Variants in SCN7A observed in about 807,000 individuals in gnomAD.
The protein encoded by SCN7A is sodium channel protein type 7 subunit alpha.
Under a neutral mutation model 155.2 loss-of-function variants are expected in SCN7A, and 138 were observed. The ratio of observed to expected loss-of-function variants is 0.89; its 90% CI spans 0.77 to 1.02. The LOEUF (loss-of-function observed/expected upper bound fraction) is 1.02, where lower values mean the gene tolerates loss of function less well. Among genes scored for constraint, SCN7A ranks in the 50% least tolerant of loss-of-function variants. SCN7A has a pLI of 0.00. For synonymous variants in SCN7A, 693 were observed against 649.0 expected (o/e 1.07, Z -1.03); for missense variants, 2,058 against 1,986.6 (o/e 1.04, Z -0.68).
intron 12 of SCN7A, among the ~76,000 whole-genome samples, chr2:166,445,363 A>G (rs1702041043): frequency 7.0e-6 from 1 of 141,926 alleles, no homozygotes. Context: ...AGAAGGAAGG[A>G]AGGAAGGAAG....
chr2:166,441,265 A>G (rs1213960313), intron 15 of SCN7A, 131 bp downstream of exon 15: 2 of 598,344 alleles, frequency 3.3e-6, no homozygotes, highest in Non-Finnish European at 5.7e-6. Context: ...TAATGGCCAC[A>G]TCTGGCTAGT....
In SCN7A at chr2:166,406,677, C is replaced by T. The variant is rs755098578; in HGVS notation, c.3983-31G>A. On this transcript the variant is annotated intron_variant, in intron 25 of 25. Coordinates refer to ENST00000643258, the MANE Select transcript of SCN7A (RefSeq NM_002976.4). ...GGTGGGAAAGATAAAGCAGGCTATA[C>T]ATTATTCAAACACAATAGTATTTTG... 2.9e-6 allele frequency: 4 copies of T among 1,402,580 alleles called. No individual in the cohort carries two copies. The African/African-American group carries it at 5.8e-5, about 20-fold the overall frequency. The allele number at this position is 1,402,580 out of a possible 1,614,324, so 86.9% of individuals were successfully genotyped here.
At chr2:166,431,887 A>G (rs896746530) in intron 16 of SCN7A, among the ~76,000 whole-genome samples, 11 of 152,076 alleles carry the variant, frequency 7.2e-5, no homozygotes, top group African/African-American at 2.7e-4. Flanking sequence ...CCATTTTAAG[A>G]TTATAAAGCC....
Position 166,441,444 on chromosome 2 carries a change from G to T in SCN7A, c.2109C>A (p.Ser703=). The T allele has an allele frequency of 6.2e-7, 1 of 1,612,754 alleles. No individual in the cohort carries two copies. The highest frequency in any genetic ancestry group is 8.5e-7 in the Non-Finnish European group (1 of 1,179,398). ...LWDCMEVAGQ[S]WCIPFYLMVI... ...CCATCAGGTAAAAAGGAATACACCAGGATTGGCCTGCAACCTCCATACAGT... is the reference window on the plus strand; with the variant it reads ...CCATCAGGTAAAAAGGAATACACCATGATTGGCCTGCAACCTCCATACAGT... Residue 703 remains serine, a synonymous_variant, in exon 15 of 26, where the codon TCC becomes TCA. Transcript: ENST00000643258.
intron 5 of SCN7A, 69 bp downstream of exon 5, chr2:166,473,725 TTAAAA>T (rs1169113321): frequency 8.5e-6 from 3 of 354,946 alleles, no homozygotes; most frequent in African/African-American, 6.6e-5. Context: ...TTCAATGTTA[TTAAAA>T]TAAAATGTAA....
chr2:166,477,804 G>T, intron 2 of SCN7A, 94 bp from the exon 3 acceptor site: 1 of 676,306 alleles, frequency 1.5e-6, no homozygotes, highest in Non-Finnish European at 2.3e-6. Context: ...TAAACTGAAT[G>T]TATGCATTTA....
At chr2:166,430,052 A>AGGTT (rs1453588286) in intron 16 of SCN7A, among the ~76,000 whole-genome samples, 1 of 152,078 alleles carries the variant, frequency 6.6e-6, no homozygotes, top group Non-Finnish European at 1.5e-5. Flanking sequence ...CCAAGATCTA[A>AGGTT]GGTTAATAGC....
chr2:166,492,216 C>T (rs974942006), intron 1 of SCN7A, among the ~76,000 whole-genome samples: 1 of 152,050 alleles, frequency 6.6e-6, no homozygotes, highest in African/African-American at 2.4e-5. Context: ...CGGTCGTGTG[C>T]CATCTGGGAT....
At chr2:166,478,958 A>C (rs2105517306) in intron 2 of SCN7A, among the ~76,000 whole-genome samples, 1 of 152,192 alleles carries the variant, frequency 6.6e-6, no homozygotes, top group Middle Eastern at 3.4e-3. Flanking sequence ...ATTCCTGTCA[A>C]AATTTACTCT....
Position 166,421,258 on chromosome 2 carries a change from G to T in SCN7A, c.3067C>A (p.Leu1023Ile). ...AATTTCATGGAAATAAGAGGTTTTA[G>T]TTCTTCCCGAGTTTTGCCTATTAAG... is the stretch of plus-strand genomic sequence containing the variant. ...LSLIGKTREE[L>I]KPLISMKFLR... Residue 1023 changes from leucine (L) to isoleucine (I), a missense_variant, in exon 20 of 26, where the codon CTA becomes ATA. Physicochemically the swap from Leu to Ile is conservative, Grantham distance 5. Transcript: ENST00000643258. 6.5e-7 allele frequency: 1 copy of T among 1,534,048 alleles called. No individual in the cohort carries two copies. Among genetic ancestry groups the T allele is most frequent in the South Asian group, 1.3e-5 (1 of 79,446 alleles).
At chr2:166,475,025 T>C (rs1702749600) in intron 3 of SCN7A, among the ~76,000 whole-genome samples, 1 of 143,496 alleles carries the variant, frequency 7.0e-6, no homozygotes, top group South Asian at 2.2e-4. Context: ...AATGTGTGTG[T>C]GTGTATATAT....
intron 11 of SCN7A, among the ~76,000 whole-genome samples, chr2:166,456,625 T>C (rs1456304969): frequency 6.6e-6 from 1 of 152,064 alleles, no homozygotes; most frequent in Non-Finnish European, 1.5e-5. Context: ...TTACTTGCTT[T>C]ACCCACTGGA....
intron 15 of SCN7A, among the ~76,000 whole-genome samples, chr2:166,439,022 CAT>C (rs1209727981): frequency 2.6e-5 from 3 of 114,944 alleles, no homozygotes; most frequent in African/African-American, 1.0e-4. Flanking sequence ...TGTATATATA[CAT>C]ACACACACAT....
chr2:166,408,805 C>G (rs1701133192), intron 25 of SCN7A, among the ~76,000 whole-genome samples: 1 of 151,962 alleles, frequency 6.6e-6, no homozygotes, highest in Admixed American at 6.6e-5. Context: ...ATTGTTCCTA[C>G]TCTCATGGAA....
chr2:166,457,105 G>C (rs778566861), intron 10 of SCN7A, 29 bp from the exon 11 acceptor site: 1 of 1,465,578 alleles, frequency 6.8e-7, no homozygotes, highest in African/African-American at 1.4e-5. Flanking sequence ...TAAGGCAAAA[G>C]AGTAAAATGT....
intron 25 of SCN7A, among the ~76,000 whole-genome samples, chr2:166,407,531 C>T (rs1389795607): frequency 1.3e-5 from 2 of 151,870 alleles, no homozygotes; most frequent in Non-Finnish European, 2.9e-5. Flanking sequence ...GATGATATTT[C>T]TCTCTGATGT....
intron 10 of SCN7A, among the ~76,000 whole-genome samples, chr2:166,460,531 T>C (rs1282558094): frequency 6.6e-6 from 1 of 151,928 alleles, no homozygotes; most frequent in Non-Finnish European, 1.5e-5. Flanking sequence ...CACCACAATC[T>C]AAGGAAAGTA....
intron 20 of SCN7A, among the ~76,000 whole-genome samples, chr2:166,420,362 T>C (rs1701485389): frequency 6.6e-6 from 1 of 152,010 alleles, no homozygotes; most frequent in Admixed American, 6.6e-5. Flanking sequence ...GTAATTAAAG[T>C]GGCAGACTGA....
chr2:166,474,529 G>T (rs979109412), intron 3 of SCN7A, among the ~76,000 whole-genome samples, 185 bp from the exon 4 acceptor site: 3 of 151,220 alleles, frequency 2.0e-5, no homozygotes, highest in Non-Finnish European at 4.4e-5. Context: ...TCATATTTAG[G>T]CTTGCCTATT....
Sources: allele counts gnomAD v4.1 joint callset (sites outside exome capture counted in the v4.1 genomes callset), GRCh38; gene constraint gnomAD v4.1.1; transcripts MANE v1.5; gene names NCBI Gene and HGNC (gene_info 2026-07-23, HGNC 2026-07-21).